ZNF131: variants seen among roughly 807,000 people sequenced by gnomAD.
ZNF131 encodes zinc finger protein 131.
In ZNF131, 7 loss-of-function variants were observed where a neutral mutation model predicts 60.0. That is an observed-to-expected ratio of 0.12 (90% CI 0.07 to 0.22). ZNF131 has a LOEUF of 0.22. ZNF131 is among the 10% of genes least tolerant of loss of function. The pLI is 1.00. For synonymous variants in ZNF131, 257 were observed against 253.2 expected, an observed-to-expected ratio of 1.01 and a Z score of -0.14; for missense variants, 493 against 740.9, an observed-to-expected ratio of 0.67 and a Z score of 3.88.
chr5:43,170,797 TA>T (rs1187976110), intron 5 of ZNF131, among the ~76,000 whole-genome samples: 1 of 91,650 alleles, frequency 1.1e-5, no homozygotes, highest in Non-Finnish European at 2.5e-5. Context: ...CATGCCCAGC[TA>T]ATTTTTTTTT....
At chr5:43,142,586 G>C (rs1746995702) in intron 4 of ZNF131, among the ~76,000 whole-genome samples, 1 of 151,928 alleles carries the variant, frequency 6.6e-6, no homozygotes, top group Non-Finnish European at 1.5e-5. Flanking sequence ...TTATAGGCGT[G>C]AGCCATGGCA....
At position 43,161,781 on chromosome 5, in the gene ZNF131, G is replaced by T. The variant is rs770687008; in HGVS notation, c.904G>T (p.Ala302Ser). The T allele has an allele frequency of 8.7e-6, 14 of 1,614,062 alleles. No individual in the cohort carries two copies. Among genetic ancestry groups the T allele is most frequent in the Non-Finnish European group, 1.2e-5 (14 of 1,180,054 alleles). ...ICNKRYLRES[A>S]WKQHLNCYHL... ...CAATAAACGATATCTTCGAGAGAGC[G>T]CATGGAAACAGCACCTAAATTGTTA... The change falls in exon 5 of 7, where the codon GCA becomes TCA. Residue 302 changes from alanine to serine, a missense_variant. Around this residue, in one of 7 missense-constraint regions of ZNF131, gnomAD observed 26 missense variants for 63.3 expected, o/e 0.41. Transcript: ENST00000682664.
At position 43,174,972 on chromosome 5, in the gene ZNF131, A is replaced by G. The variant is rs374546810; in HGVS notation, c.1711A>G (p.Ile571Val). Residue 571 changes from isoleucine (I) to valine (V), a missense_variant, in exon 7 of 7, where the codon ATC becomes GTC. Coordinates refer to ENST00000682664, the MANE Select transcript of ZNF131 (RefSeq NM_001330707.2). Reference protein sequence around the residue: ...EADLDHVTPEIMNQEERESSQ... With the variant: ...EADLDHVTPEVMNQEERESSQ... ...AGATTTGGACCACGTGACCCCAGAA[A>G]TCATGAACCAAGAGGAGAGAGAGTC... 32 of 1,614,014 alleles carry G rather than the reference A, an allele frequency of 2.0e-5. No individual in the cohort carries two copies. The highest frequency in any genetic ancestry group is 6.7e-5 in the Admixed American group (4 of 59,998).
At position 43,124,372 on chromosome 5, in the gene ZNF131, AT is replaced by A. The variant is rs1744245792; in HGVS notation, c.226+1064del. 8 of 152,158 alleles carry A rather than the reference AT, an allele frequency of 5.3e-5. No homozygotes were observed. The South Asian group carries it at 1.7e-3, about 32-fold the overall frequency. 9.4% of individuals were successfully genotyped at this position (152,158 alleles called of 1,614,324 possible). ...TGGGTTTTGGTTTTATATCTATTTCATTGTGTACGTATTCTTTGTTCTGAAT... is the reference window on the plus strand; with the variant it reads ...TGGGTTTTGGTTTTATATCTATTTCATGTGTACGTATTCTTTGTTCTGAAT... On this transcript the variant is annotated intron_variant, in intron 3 of 6. Coordinates refer to ENST00000682664, the MANE Select transcript of ZNF131 (RefSeq NM_001330707.2).
intron 5 of ZNF131, among the ~76,000 whole-genome samples, chr5:43,162,643 C>T (rs545725889): frequency 6.6e-6 from 1 of 150,496 alleles, no homozygotes; most frequent in Admixed American, 6.6e-5. Flanking sequence ...GTGGCTCACG[C>T]CTGTAATCCC....
intron 5 of ZNF131, among the ~76,000 whole-genome samples, chr5:43,170,311 T>A (rs766227955): frequency 4.0e-4 from 61 of 152,216 alleles, no homozygotes; most frequent in Admixed American, 2.4e-3. Context: ...AAATGTTTTG[T>A]CAGATAATAC....
intron 4 of ZNF131, among the ~76,000 whole-genome samples, chr5:43,151,299 A>C (rs1748278644): frequency 6.6e-6 from 1 of 152,224 alleles, no homozygotes; most frequent in South Asian, 2.1e-4. Context: ...TATTCTAGGA[A>C]GCATCCCTTT....
At position 43,174,484 on chromosome 5, in the gene ZNF131, A is replaced by G; in HGVS notation, c.1223A>G (p.Lys408Arg). Residue 408 changes from lysine (K) to arginine (R), a missense_variant, in exon 7 of 7, where the codon AAA becomes AGA. Around this residue, in one of 7 missense-constraint regions of ZNF131, gnomAD observed 33 missense variants for 67.9 expected, o/e 0.49. Coordinates refer to ENST00000682664, the MANE Select transcript of ZNF131 (RefSeq NM_001330707.2). ...GTGTTTAACAGCTGGGACCAGTTCA[A>G]AGATCACTTGGTAATACACACTGGA... Reference protein sequence around the residue: ...NSVFNSWDQFKDHLVIHTGDK... With the variant: ...NSVFNSWDQFRDHLVIHTGDK... 1.3e-6 allele frequency: 2 copies of G among 1,546,174 alleles called. No individual in the cohort carries two copies. Among genetic ancestry groups the G allele is most frequent in the Non-Finnish European group, 1.7e-6 (2 of 1,146,560 alleles).
chr5:43,128,427 G>A (rs1744836365), intron 3 of ZNF131, among the ~76,000 whole-genome samples: 1 of 151,922 alleles, frequency 6.6e-6, no homozygotes, highest in Admixed American at 6.6e-5. Flanking sequence ...GAGGCCGAGC[G>A]GGCGGATCAT....
Position 43,162,593 on chromosome 5 carries a change from AAAAAAAAAAAAAG to A in ZNF131, c.1054+667_1054+679del, listed in dbSNP as rs1228166060. ...GTCAATAGAGTGAGACTCCATCTTAAAAAAAAAAAAAAGAAAAGAAAAAAAAGCGGCCAGGCGC... is the reference window on the plus strand; with the variant it reads ...GTCAATAGAGTGAGACTCCATCTTAAAAAAGAAAAAAAAGCGGCCAGGCGC... On this transcript the variant is annotated intron_variant, in intron 5 of 6. Transcript: ENST00000682664. Among the ~76,000 whole-genome samples, 24 of 110,316 alleles carry A rather than the reference AAAAAAAAAAAAAG, an allele frequency of 2.2e-4. 1 individual carries two copies. Among genetic ancestry groups the A allele is most frequent in the Middle Eastern group, 5.8e-3 (1 of 172 alleles). 72.4% of individuals were successfully genotyped at this position (110,316 alleles called of 152,430 possible).
intron 5 of ZNF131, among the ~76,000 whole-genome samples, chr5:43,171,391 A>G (rs1320976183): frequency 1.3e-5 from 2 of 152,064 alleles, no homozygotes; most frequent in African/African-American, 4.8e-5. Flanking sequence ...CCCATCAACA[A>G]ATAAATAATG....
intron 4 of ZNF131, among the ~76,000 whole-genome samples, chr5:43,142,465 G>A (rs1401321684): frequency 1.3e-5 from 2 of 151,028 alleles, no homozygotes; most frequent in East Asian, 2.0e-4. Flanking sequence ...CACCACACCC[G>A]GCTAATTTTT....
At position 43,152,135 on chromosome 5, in the gene ZNF131, T is replaced by C. The variant is rs186286116; in HGVS notation, c.372-9114T>C. Among the ~76,000 whole-genome samples the C allele has an allele frequency of 3.6e-3, 552 of 152,252 alleles. 4 individuals are homozygous for C. Among genetic ancestry groups the C allele is most frequent in the Middle Eastern group, 0.027 (8 of 294 alleles). ...CTCCTGCCTCAGATTCCCCGGTAGCTGGGACTACAGGCACGTGCCACTAGG... is the reference window on the plus strand; with the variant it reads ...CTCCTGCCTCAGATTCCCCGGTAGCCGGGACTACAGGCACGTGCCACTAGG... On this transcript the variant is annotated intron_variant, in intron 4 of 6. Coordinates refer to ENST00000682664, the MANE Select transcript of ZNF131 (RefSeq NM_001330707.2).
intron 3 of ZNF131, among the ~76,000 whole-genome samples, chr5:43,127,511 C>T (rs925775587): frequency 6.6e-6 from 1 of 152,188 alleles, no homozygotes; most frequent in African/African-American, 2.4e-5. Flanking sequence ...CAGCACTGCC[C>T]TAGCATGATT....
In ZNF131 at chr5:43,125,438, C is replaced by T. The variant is rs1181411167; in HGVS notation, c.226+2128C>T. The stretch of plus-strand genomic sequence containing the variant: ...CCTCCCAAAGTGCTGGGATTACAGG[C>T]GTGAGACCACGACTGGCCAAGTCTG... On this transcript the variant is annotated intron_variant, in intron 3 of 6. Coordinates refer to ENST00000682664, the MANE Select transcript of ZNF131 (RefSeq NM_001330707.2). Among the ~76,000 whole-genome samples the T allele has an allele frequency of 7.9e-5, 12 of 151,270 alleles. No individual in the cohort carries two copies. In the South Asian group the frequency reaches 1.5e-3, roughly 19 times the overall value.
intron 3 of ZNF131, among the ~76,000 whole-genome samples, chr5:43,136,654 T>TTC (rs1746153575): frequency 6.8e-6 from 1 of 146,972 alleles, no homozygotes; most frequent in Non-Finnish European, 1.5e-5. Flanking sequence ...CTTTTTCTTT[T>TTC]TTTTTTTTTT....
chr5:43,174,536 T>C lies in ZNF131; in HGVS notation c.1275T>C (p.Cys425=). 6.3e-7 allele frequency: 1 copy of C among 1,595,656 alleles called. No individual in the cohort carries two copies. Among genetic ancestry groups the C allele is most frequent in the Non-Finnish European group, 8.5e-7 (1 of 1,170,476 alleles). Residue 425 remains cysteine, a synonymous_variant, in exon 7 of 7, where the codon TGT becomes TGC. Transcript: ENST00000682664. The part of the protein sequence containing the change: ...TGDKPNHCTL[C]DLWFMQGNEL... Reference sequence around the variant, plus strand: ...ATAAACCCAACCATTGTACTTTATGTGATTTGTGGTTTATGCAAGGAAATG... The same window carrying C: ...ATAAACCCAACCATTGTACTTTATGCGATTTGTGGTTTATGCAAGGAAATG...
intron 4 of ZNF131, among the ~76,000 whole-genome samples, chr5:43,140,052 C>CA (rs1746606617): frequency 6.6e-6 from 1 of 152,012 alleles, no homozygotes; most frequent in African/African-American, 2.4e-5. Context: ...CCTGTCTCTA[C>CA]AAAAAATACA....
intron 4 of ZNF131, among the ~76,000 whole-genome samples, chr5:43,146,030 A>G (rs1056944398): frequency 1.3e-5 from 2 of 152,224 alleles, no homozygotes; most frequent in African/African-American, 2.4e-5. Context: ...AGGAGTGACC[A>G]CAAAAGCAAT....
Sources: allele counts gnomAD v4.1 joint callset (sites outside exome capture counted in the v4.1 genomes callset), GRCh38; gene constraint gnomAD v4.1.1; regional missense constraint gnomAD v4.1.1; transcripts MANE v1.5; gene names NCBI Gene and HGNC (gene_info 2026-07-23, HGNC 2026-07-21).